The following TCF7L1 variants were observed in gnomAD, a reference collection of about 807,000 sequenced individuals.
The protein encoded by TCF7L1 is transcription factor 7-like 1.
TCF7L1 carries 18 observed loss-of-function variants against 63.7 expected under a neutral mutation model. That is an observed-to-expected ratio of 0.28 (90% CI 0.20 to 0.42). TCF7L1 has a LOEUF of 0.42. Among genes scored for constraint, TCF7L1 ranks in the 10% least tolerant of loss-of-function variants. TCF7L1 has a pLI of 1.00. For synonymous variants in TCF7L1, 355 were observed against 340.9 expected (o/e 1.04, Z -0.46); for missense variants, 654 against 779.3 (o/e 0.84, Z 1.91).
intron 3 of TCF7L1, among the ~76,000 whole-genome samples, chr2:85,227,300 T>C (rs980346750): frequency 1.3e-5 from 2 of 152,084 alleles, no homozygotes; most frequent in Non-Finnish European, 2.9e-5. Context: ...GGAGCCTCCC[T>C]CTCCCTCAGG....
intron 4 of TCF7L1, among the ~76,000 whole-genome samples, chr2:85,302,260 CCA>C (rs1681999368): frequency 6.6e-6 from 1 of 152,144 alleles, no homozygotes; most frequent in African/African-American, 2.4e-5. Context: ...GTACTGTTTC[CCA>C]CACACAGTGC....
chr2:85,291,601 G>T (rs767149595), intron 4 of TCF7L1, among the ~76,000 whole-genome samples: 2 of 151,294 alleles, frequency 1.3e-5, no homozygotes, highest in African/African-American at 4.9e-5. Context: ...GTTTTAGGAC[G>T]GAGTTTCACT....
rs541641247 is a variant in TCF7L1, at chr2:85,201,462, T to G, written c.441+67012T>G. 5.5e-4 allele frequency among the ~76,000 whole-genome samples: 84 copies of G among 152,350 alleles called. 1 individual carries two copies. The highest frequency in any genetic ancestry group is 6.8e-3 in the Middle Eastern group (2 of 294). On this transcript the variant is annotated intron_variant, in intron 3 of 11. Coordinates refer to ENST00000282111, the MANE Select transcript of TCF7L1 (RefSeq NM_031283.3). ...ATGCATTCATGACATACCTTTTTCT[T>G]AATTTTTTCAGCATTTCTAGGCTAC...
At chr2:85,251,274 G>A (rs1324824328) in intron 3 of TCF7L1, among the ~76,000 whole-genome samples, 2 of 152,188 alleles carry the variant, frequency 1.3e-5, no homozygotes, top group African/African-American at 4.8e-5. Flanking sequence ...TGGACCAAGT[G>A]GGTAGGTCAC....
chr2:85,162,366 G>A (rs1471823797), intron 3 of TCF7L1, among the ~76,000 whole-genome samples: 1 of 152,138 alleles, frequency 6.6e-6, no homozygotes, highest in Non-Finnish European at 1.5e-5. Flanking sequence ...TGGTACACAG[G>A]TAGGGTGGCC....
At chr2:85,210,270 C>T (rs565617191) in intron 3 of TCF7L1, among the ~76,000 whole-genome samples, 1 of 152,346 alleles carries the variant, frequency 6.6e-6, no homozygotes, top group East Asian at 1.9e-4. Context: ...GCATCCCCAT[C>T]TTCATTCTAC....
chr2:85,239,962 CAAAA>C (rs766685870), intron 3 of TCF7L1, among the ~76,000 whole-genome samples: 5 of 110,282 alleles, frequency 4.5e-5, no homozygotes, highest in Non-Finnish European at 8.0e-5. Flanking sequence ...AAAAAAAAAA[CAAAA>C]AAAAAACAAG....
intron 3 of TCF7L1, among the ~76,000 whole-genome samples, chr2:85,185,694 T>G (rs1481853498): frequency 6.6e-6 from 1 of 152,102 alleles, no homozygotes; most frequent in Non-Finnish European, 1.5e-5. Context: ...CACCACACTC[T>G]GCTGAGGTTG....
At chr2:85,159,874 A>T (rs1205673339) in intron 3 of TCF7L1, among the ~76,000 whole-genome samples, 3 of 152,046 alleles carry the variant, frequency 2.0e-5, no homozygotes, top group African/African-American at 7.2e-5. Flanking sequence ...AGCTTCCTCC[A>T]CAAGCGTCTC....
At chr2:85,288,698 A>G (rs545247656) in intron 4 of TCF7L1, among the ~76,000 whole-genome samples, 4 of 152,340 alleles carry the variant, frequency 2.6e-5, no homozygotes, top group African/African-American at 4.8e-5. Context: ...TAAGTGCTTA[A>G]TAATTTGGAC....
chr2:85,236,170 C>A (rs1378888946), intron 3 of TCF7L1, among the ~76,000 whole-genome samples: 1 of 132,548 alleles, frequency 7.5e-6, no homozygotes, highest in Admixed American at 6.8e-5. Context: ...GCCATCCCCC[C>A]CCCAAAAAAA....
rs374788545 is a variant in TCF7L1 at position 85,249,001 on chromosome 2, A to G, written c.442-34494A>G. On this transcript the variant is annotated intron_variant, in intron 3 of 11. Transcript: ENST00000282111. ...ACTTGACTCATTCCCTTGGGGAGGG[A>G]AAAAAAAAACAGGAGGAAGTAGGGA... Among the ~76,000 whole-genome samples the G allele has an allele frequency of 9.6e-3, 743 of 77,440 alleles. 9 individuals are homozygous for G. Among genetic ancestry groups the G allele is most frequent in the African/African-American group, 0.024 (705 of 29,154 alleles). 50.8% of individuals were successfully genotyped at this position (77,440 alleles called of 152,430 possible).
At chr2:85,215,050 C>T (rs2104294033) in intron 3 of TCF7L1, among the ~76,000 whole-genome samples, 1 of 152,258 alleles carries the variant, frequency 6.6e-6, no homozygotes, top group African/African-American at 2.4e-5. Context: ...GAAACTCCAG[C>T]CCTGTGCCCT....
At chr2:85,169,865 A>G (rs1372245528) in intron 3 of TCF7L1, among the ~76,000 whole-genome samples, 2 of 152,208 alleles carry the variant, frequency 1.3e-5, no homozygotes, top group African/African-American at 4.8e-5. Context: ...ATTAGCCTGG[A>G]ATGCAAGGGC....
At chr2:85,147,403 A>G (rs2248079) in intron 3 of TCF7L1, among the ~76,000 whole-genome samples, 83,998 of 151,364 alleles carry the variant, frequency 0.55, 23,647 homozygotes, top group East Asian at 0.85. Context: ...CTCTTTCCCC[A>G]CCCCTCCCCA....
intron 3 of TCF7L1, chr2:85,262,392 G>GAAAAA: frequency 3.2e-6 from 1 of 311,428 alleles, no homozygotes; most frequent in Non-Finnish European, 6.4e-6. Flanking sequence ...TCTCTTAAAA[G>GAAAAA]AAAAAAAAAA....
chr2:85,187,274 A>G (rs1678947842), intron 3 of TCF7L1: 1 of 152,162 alleles, frequency 6.6e-6, no homozygotes, highest in Non-Finnish European at 1.5e-5. Context: ...CTCCCAGAAG[A>G]ATTTTCTGGA....
intron 3 of TCF7L1, among the ~76,000 whole-genome samples, chr2:85,150,423 G>A (rs1006587974): frequency 9.9e-5 from 15 of 152,014 alleles, no homozygotes; most frequent in Admixed American, 8.5e-4. Context: ...TAGTAGAGAC[G>A]GGATTTCACC....
At chr2:85,296,331 G>A (rs1377251230) in intron 4 of TCF7L1, among the ~76,000 whole-genome samples, 1 of 152,080 alleles carries the variant, frequency 6.6e-6, no homozygotes, top group African/African-American at 2.4e-5. Flanking sequence ...ATGTCCCTTA[G>A]TTTGGGTTTG....
Sources: gnomAD v4.1 joint callset for allele counts (sites outside exome capture counted in the v4.1 genomes callset) on GRCh38, gnomAD v4.1.1 for gene constraint, MANE v1.5 for transcripts, NCBI Gene and HGNC (gene_info 2026-07-23, HGNC 2026-07-21) for gene names.